OLFML2B: variants seen among roughly 807,000 people sequenced by gnomAD.
OLFML2B encodes olfactomedin-like protein 2B.
In OLFML2B, 57 loss-of-function variants were observed where a neutral mutation model predicts 74.9. That is an observed-to-expected ratio of 0.76 (90% CI 0.61 to 0.95). OLFML2B has a LOEUF of 0.95. OLFML2B is among the 40% of genes least tolerant of loss of function. The probability of loss-of-function intolerance (pLI) is 0.00; values close to 1 mark genes in which losing one functional copy is unlikely to be tolerated. For synonymous variants in OLFML2B, 388 were observed against 405.8 expected (o/e 0.96, Z 0.53); for missense variants, 986 against 970.6 (o/e 1.02, Z -0.21).
rs1286693202 is a variant in OLFML2B at position 162,023,394 on chromosome 1, G to A, written c.37C>T (p.Leu13=). 2 of 1,591,750 alleles carry A rather than the reference G, an allele frequency of 1.3e-6. No homozygotes were observed. The change falls in exon 1 of 8, where the codon CTG becomes TTG. Residue 13 remains leucine, a synonymous_variant. Coordinates refer to ENST00000294794, the MANE Select transcript of OLFML2B (RefSeq NM_015441.3). ...GACACCCAGGCCGGAACCACAATCAGAGCGAAGTAGAGAACTAGCAGCCGA... is the reference window on the plus strand; with the variant it reads ...GACACCCAGGCCGGAACCACAATCAAAGCGAAGTAGAGAACTAGCAGCCGA... ...KPRLLVLYFA[L]IVVPAWVSSI...
intron 3 of OLFML2B, 76 bp from the exon 4 acceptor site, chr1:162,006,549 C>T (rs2101968771): frequency 8.7e-7 from 1 of 1,152,106 alleles, no homozygotes; most frequent in East Asian, 2.3e-5. Context: ...GCCATCTTCG[C>T]TCAGAGCACA....
At chr1:162,017,724 G>A (rs1426754058) in intron 2 of OLFML2B, among the ~76,000 whole-genome samples, 2 of 152,212 alleles carry the variant, frequency 1.3e-5, no homozygotes, top group African/African-American at 2.4e-5. Context: ...GAAAATGGGA[G>A]AGTCCTACAA....
intron 6 of OLFML2B, among the ~76,000 whole-genome samples, chr1:161,990,121 A>C (rs1012976833): frequency 6.6e-6 from 1 of 152,238 alleles, no homozygotes; most frequent in African/African-American, 2.4e-5. Flanking sequence ...TGTTGTTAAA[A>C]TGTTCATATA....
intron 4 of OLFML2B, among the ~76,000 whole-genome samples, chr1:162,002,032 T>C (rs1317509562): frequency 1.3e-5 from 2 of 152,194 alleles, no homozygotes; most frequent in Admixed American, 6.5e-5. Context: ...GTGTCCACAG[T>C]GTGGCGGGAT....
chr1:162,002,816 C>T (rs1444874330), intron 4 of OLFML2B, among the ~76,000 whole-genome samples: 1 of 152,242 alleles, frequency 6.6e-6, no homozygotes, highest in African/African-American at 2.4e-5. Context: ...TTGCCCCTCC[C>T]TCAATTCCCT....
At chr1:162,008,413 C>T (rs1457014142) in intron 3 of OLFML2B, among the ~76,000 whole-genome samples, 3 of 152,156 alleles carry the variant, frequency 2.0e-5, no homozygotes, top group African/African-American at 7.2e-5. Context: ...CAGAGTGGAA[C>T]CAGCACCCAG....
At position 162,023,394 on chromosome 1, in the gene OLFML2B, G is replaced by C. The variant is rs1286693202; in HGVS notation, c.37C>G (p.Leu13Val). Residue 13 changes from leucine (L) to valine (V), a missense_variant, in exon 1 of 8, where the codon CTG (leucine) becomes GTG (valine). Transcript: ENST00000294794. Reference protein sequence around the residue: ...KPRLLVLYFALIVVPAWVSSI... With the variant: ...KPRLLVLYFAVIVVPAWVSSI... ...GACACCCAGGCCGGAACCACAATCA[G>C]AGCGAAGTAGAGAACTAGCAGCCGA... is the stretch of plus-strand genomic sequence containing the variant. 2.0e-5 allele frequency: 32 copies of C among 1,591,632 alleles called. No individual in the cohort carries two copies. Among genetic ancestry groups the C allele is most frequent in the Non-Finnish European group, 2.7e-5 (31 of 1,166,856 alleles).
chr1:162,017,648 T>G (rs925058201), intron 2 of OLFML2B, 141 bp from the exon 3 acceptor site: 2 of 606,724 alleles, frequency 3.3e-6, no homozygotes, highest in African/African-American at 3.7e-5. Flanking sequence ...AACACATTTG[T>G]GTAGACAGGG....
rs61809524 is a variant in OLFML2B, at chr1:162,005,350, G to C, written c.723+947C>G. ...ACTGGGTAGGAAGAAACAGAGGTTT[G>C]AGACCCTCTGCCACCACTTCCCAAC... On this transcript the variant is annotated intron_variant, in intron 4 of 7. Coordinates refer to ENST00000294794, the MANE Select transcript of OLFML2B (RefSeq NM_015441.3). Among the ~76,000 whole-genome samples the C allele has an allele frequency of 1.4e-3, 220 of 152,306 alleles. 1 individual carries two copies. Among genetic ancestry groups the C allele is most frequent in the Non-Finnish European group, 2.8e-3 (191 of 68,016 alleles).
intron 1 of OLFML2B, among the ~76,000 whole-genome samples, chr1:162,021,918 G>T (rs6427646): frequency 0.99 from 150,483 of 152,174 alleles, 74,427 homozygotes; most frequent in Middle Eastern, 1. Flanking sequence ...AGGTAATGGG[G>T]GGGCAGAGGG....
At position 161,997,895 on chromosome 1, in the gene OLFML2B, AGCAG is replaced by A. The variant is rs1357491051; in HGVS notation, c.1400_1403del (p.Pro467LeufsTer12). ...GGCTGGCAGGGGTTGTTCCCCACCCAGCAGGAGCATCTTTCCCCAGCGAGTCTGT... is the reference window on the plus strand; with the variant it reads ...GGCTGGCAGGGGTTGTTCCCCACCCAGAGCATCTTTCCCCAGCGAGTCTGT... On this transcript the variant is annotated frameshift_variant, in exon 6 of 8. Coordinates refer to ENST00000294794, the MANE Select transcript of OLFML2B (RefSeq NM_015441.3). LOFTEE classifies it high-confidence loss of function. 1 of 1,614,090 alleles carries A rather than the reference AGCAG, an allele frequency of 6.2e-7. No homozygotes were observed. Among genetic ancestry groups the A allele is most frequent in the African/African-American group, 1.3e-5 (1 of 74,934 alleles).
chr1:161,993,721 C>T (rs1351511661), intron 6 of OLFML2B, among the ~76,000 whole-genome samples: 3 of 152,210 alleles, frequency 2.0e-5, no homozygotes, highest in Non-Finnish European at 4.4e-5. Context: ...CTGGCGCATG[C>T]TCTTGGCTCT....
chr1:162,015,746 A>T (rs1025789767), intron 3 of OLFML2B, among the ~76,000 whole-genome samples: 5 of 152,210 alleles, frequency 3.3e-5, no homozygotes, highest in Non-Finnish European at 5.9e-5. Context: ...ACCATCCACA[A>T]TGTCATCATT....
Position 161,983,371 on chromosome 1 carries a change from C to T in OLFML2B, c.*304G>A, listed in dbSNP as rs779676309. 6.1e-5 allele frequency: 14 copies of T among 227,986 alleles called. No individual in the cohort carries two copies. Among genetic ancestry groups the T allele is most frequent in the Middle Eastern group, 1.5e-3 (1 of 684 alleles). The allele number at this position is 227,986 out of a possible 1,614,324, so 14.1% of individuals were successfully genotyped here. A position where few individuals can be genotyped will look rare whatever the true frequency, so the allele number is the denominator to read the frequency against. ...CAGATGAAGAAACCTTTTCAATGGT[C>T]GAGATCTGAGACTTGGAGCTGGAGG... On this transcript the variant is annotated 3_prime_UTR_variant, in exon 8 of 8. Coordinates refer to ENST00000294794, the MANE Select transcript of OLFML2B (RefSeq NM_015441.3).
At chr1:162,016,855 T>C (rs542204002) in intron 3 of OLFML2B, among the ~76,000 whole-genome samples, 1 of 152,364 alleles carries the variant, frequency 6.6e-6, no homozygotes, top group African/African-American at 2.4e-5. Flanking sequence ...TGTCTTTGTC[T>C]ATGAAAATTG....
chr1:162,021,130 C>A (rs1229526570), intron 1 of OLFML2B, among the ~76,000 whole-genome samples: 1 of 152,208 alleles, frequency 6.6e-6, no homozygotes, highest in East Asian at 1.9e-4. Context: ...AAGACTTCTT[C>A]GAGGAGTGGC....
Position 162,020,118 on chromosome 1 carries a change from A to G in OLFML2B, c.239T>C (p.Val80Ala), listed in dbSNP as rs779870364. The G allele has an allele frequency of 6.2e-7, 1 of 1,614,148 alleles. No individual in the cohort carries two copies. Among genetic ancestry groups the G allele is most frequent in the Non-Finnish European group, 8.5e-7 (1 of 1,180,016 alleles). The change falls in exon 2 of 8, where the codon GTG becomes GCG. Residue 80 changes from valine to alanine, a missense_variant. Coordinates refer to ENST00000294794, the MANE Select transcript of OLFML2B (RefSeq NM_015441.3). ...SEGSDCQCKC[V>A]VRPLGRDACQ... is the part of the protein sequence containing the mutation. The stretch of plus-strand genomic sequence containing the variant: ...GGCATCCCGGCCCAGGGGTCTCACC[A>G]CACACTTGCACTGACAGTCCGAGCC...
chr1:162,014,739 C>A (rs1415665421), intron 3 of OLFML2B, among the ~76,000 whole-genome samples: 2 of 152,194 alleles, frequency 1.3e-5, no homozygotes, highest in Admixed American at 1.3e-4. Context: ...GGGGCCCAGA[C>A]CCATCTGAAG....
chr1:162,009,443 C>A (rs1375917515), intron 3 of OLFML2B, among the ~76,000 whole-genome samples: 1 of 152,182 alleles, frequency 6.6e-6, no homozygotes, highest in Non-Finnish European at 1.5e-5. Context: ...CACTGTGAGG[C>A]AAAGGGTGCC....
Sources: allele counts gnomAD v4.1 joint callset (sites outside exome capture counted in the v4.1 genomes callset), GRCh38; gene constraint gnomAD v4.1.1; transcripts MANE v1.5; gene names NCBI Gene and HGNC (gene_info 2026-07-23, HGNC 2026-07-21).